The following PCDH15 variants were observed in gnomAD, a reference collection of about 807,000 sequenced individuals.
PCDH15 encodes the protein protocadherin-15.
Under a neutral mutation model 178.5 loss-of-function variants are expected in PCDH15, and 129 were observed. That is an observed-to-expected ratio of 0.72 (90% confidence interval 0.63 to 0.84). The LOEUF is 0.84. PCDH15 is among the 40% of genes least tolerant of loss of function. The pLI, the probability that PCDH15 is intolerant of heterozygous loss-of-function variation, is 0.00. For missense variants in PCDH15, 2,230 were observed against 2,099.9 expected, an observed-to-expected ratio of 1.06 and a Z score of -1.21; for synonymous variants, 800 against 732.0, an observed-to-expected ratio of 1.09 and a Z score of -1.50.
At chr10:55,383,213 C>T (rs1020152837) in intron 2 of PCDH15, among the ~76,000 whole-genome samples, 1 of 152,088 alleles carries the variant, frequency 6.6e-6, no homozygotes, top group East Asian at 1.9e-4. Context: ...AGGCTCCTCT[C>T]CAAAGTCATG....
chr10:55,220,747 T>C (rs1840849981), intron 1 of PCDH15, among the ~76,000 whole-genome samples: 1 of 152,076 alleles, frequency 6.6e-6, no homozygotes, highest in African/African-American at 2.4e-5. Flanking sequence ...GAAACATCAT[T>C]ATGTGGCACA....
chr10:55,489,166 C>T (rs930988364), intron 2 of PCDH15, among the ~76,000 whole-genome samples: 31 of 151,432 alleles, frequency 2.0e-4, no homozygotes, highest in African/African-American at 7.2e-4. Context: ...AAAATAATTA[C>T]CTACAGAGGC....
chr10:55,620,662 G>A (rs1843572937), intron 2 of PCDH15, among the ~76,000 whole-genome samples: 1 of 151,730 alleles, frequency 6.6e-6, no homozygotes, highest in Admixed American at 6.6e-5. Context: ...TAATGTAGTA[G>A]AATGTTTCCT....
At chr10:54,909,197 C>T (rs763035322) in intron 2 of PCDH15, among the ~76,000 whole-genome samples, 21 of 152,264 alleles carry the variant, frequency 1.4e-4, no homozygotes, top group Admixed American at 3.3e-4. Flanking sequence ...CTCCAGTCTG[C>T]GGGACACAAA....
At chr10:54,614,548 C>T (rs569651867) in intron 2 of PCDH15, among the ~76,000 whole-genome samples, 1 of 152,040 alleles carries the variant, frequency 6.6e-6, no homozygotes, top group South Asian at 2.1e-4. Context: ...AAAGTAACTG[C>T]AAAACTATAA....
intron 2 of PCDH15, among the ~76,000 whole-genome samples, chr10:54,980,783 GTAATT>G (rs1195772267): frequency 3.3e-5 from 5 of 151,480 alleles, no homozygotes; most frequent in African/African-American, 1.2e-4. Context: ...TTTCTATTAG[GTAATT>G]TAATAGACGA....
At chr10:53,859,239 G>A (rs1275278053) in intron 27 of PCDH15, among the ~76,000 whole-genome samples, 14 of 152,148 alleles carry the variant, frequency 9.2e-5, no homozygotes, top group Admixed American at 9.2e-4. Context: ...CCTCAGGACA[G>A]AGGAGCTTTT....
chr10:54,649,932 G>A (rs1016153701), intron 2 of PCDH15, among the ~76,000 whole-genome samples: 8 of 152,026 alleles, frequency 5.3e-5, no homozygotes, highest in African/African-American at 1.9e-4. Context: ...CGCATTTTAT[G>A]TCTCAATCTA....
intron 2 of PCDH15, among the ~76,000 whole-genome samples, chr10:55,454,000 T>A (rs1442078983): frequency 6.6e-6 from 1 of 152,126 alleles, no homozygotes; most frequent in African/African-American, 2.4e-5. Context: ...TATGTAATTA[T>A]AAAACACCAG....
At chr10:53,809,097 T>C in intron 37 of PCDH15, 1 of 1,613,918 alleles carries the variant, frequency 6.2e-7, no homozygotes, top group African/African-American at 1.3e-5. Context: ...CTTTTTCTCC[T>C]TCTGACTCTG....
intron 2 of PCDH15, among the ~76,000 whole-genome samples, chr10:55,037,653 TAGAA>T (rs201865404): frequency 0.017 from 2,636 of 152,296 alleles, 77 homozygotes; most frequent in African/African-American, 0.06. Flanking sequence ...AGTATTAGCT[TAGAA>T]AGAAAGTTCT....
chr10:54,266,268 C>G (rs7073516), intron 8 of PCDH15, among the ~76,000 whole-genome samples: 1 of 151,268 alleles, frequency 6.6e-6, no homozygotes, highest in Non-Finnish European at 1.5e-5. Flanking sequence ...CAAATGAAAA[C>G]AGAGACACAA....
intron 3 of PCDH15, among the ~76,000 whole-genome samples, chr10:54,841,030 A>G (rs1044167608): frequency 1.3e-5 from 2 of 151,850 alleles, no homozygotes; most frequent in East Asian, 1.9e-4. Context: ...CAGAAAGTCA[A>G]TAAGGAAACA....
intron 2 of PCDH15, among the ~76,000 whole-genome samples, chr10:54,588,671 A>G (rs2091669055): frequency 6.6e-6 from 1 of 152,052 alleles, no homozygotes; most frequent in South Asian, 2.1e-4. Flanking sequence ...TCTACTTCCC[A>G]CTCAAGCGAT....
chr10:54,073,144 T>A (rs1722010285), intron 17 of PCDH15, among the ~76,000 whole-genome samples: 1 of 151,870 alleles, frequency 6.6e-6, no homozygotes, highest in Admixed American at 6.6e-5. Flanking sequence ...TGTATGTATG[T>A]ATACACATTT....
intron 1 of PCDH15, among the ~76,000 whole-genome samples, chr10:55,308,588 G>A (rs895880132): frequency 6.6e-6 from 1 of 152,046 alleles, no homozygotes; most frequent in African/African-American, 2.4e-5. Flanking sequence ...GAAAATAATC[G>A]TTTAAAATAT....
intron 6 of PCDH15, among the ~76,000 whole-genome samples, chr10:54,340,586 A>C (rs1942045897): frequency 6.6e-6 from 1 of 152,134 alleles, no homozygotes; most frequent in South Asian, 2.1e-4. Flanking sequence ...GGAGAGATTG[A>C]GGTGAGTTTT....
intron 2 of PCDH15, among the ~76,000 whole-genome samples, chr10:55,023,567 A>G (rs1840391906): frequency 6.6e-6 from 1 of 152,084 alleles, no homozygotes; most frequent in Admixed American, 6.6e-5. Context: ...CTCACCACAC[A>G]CACACAGACA....
chr10:55,517,144 T>C (rs975703921), intron 2 of PCDH15, among the ~76,000 whole-genome samples: 3 of 152,054 alleles, frequency 2.0e-5, no homozygotes. Context: ...AACATGATTT[T>C]AGAGGTAAGA....
Sources: allele counts gnomAD v4.1 joint callset (sites outside exome capture counted in the v4.1 genomes callset), GRCh38; gene constraint gnomAD v4.1.1; transcripts MANE v1.5; gene names NCBI Gene and HGNC (gene_info 2026-07-23, HGNC 2026-07-21).